GPC3: variants seen among roughly 807,000 people sequenced by gnomAD.
GPC3 encodes glypican 3.
Under a neutral mutation model 34.4 loss-of-function variants are expected in GPC3, and 3 were observed. The ratio of observed to expected loss-of-function variants is 0.09; its 90% CI spans 0.04 to 0.23. The LOEUF is 0.23. Among genes scored for constraint, GPC3 ranks in the 10% least tolerant of loss-of-function variants. GPC3 has a pLI of 1.00. For missense variants in GPC3, 351 were observed against 445.6 expected, an observed-to-expected ratio of 0.79 and a Z score of 1.91; for synonymous variants, 177 against 174.0, an observed-to-expected ratio of 1.02 and a Z score of -0.13.
intron 2 of GPC3, among the ~76,000 whole-genome samples, chrX:133,863,348 G>T (rs182133560): frequency 2.2e-3 from 241 of 111,908 alleles, no homozygotes; most frequent in Non-Finnish European, 3.5e-3. Flanking sequence ...AACTAGGAAT[G>T]AACATTTTGA....
At chrX:133,951,961 C>T (rs1357867977) in intron 2 of GPC3, among the ~76,000 whole-genome samples, 2 of 111,260 alleles carry the variant, frequency 1.8e-5, no homozygotes, top group African/African-American at 6.5e-5. Context: ...CAATGTCAAG[C>T]AGTCAGAAGT....
intron 6 of GPC3, among the ~76,000 whole-genome samples, chrX:133,601,577 T>TGCAA (rs1246932861): frequency 8.9e-6 from 1 of 112,206 alleles, no homozygotes; most frequent in Non-Finnish European, 1.9e-5. Context: ...TACTTAACCA[T>TGCAA]TTTTCTAATA....
At chrX:133,955,987 A>G (rs765237545) in intron 1 of GPC3, among the ~76,000 whole-genome samples, 5 of 111,750 alleles carry the variant, frequency 4.5e-5, no homozygotes, top group Non-Finnish European at 9.4e-5. Context: ...AGATTTTCTT[A>G]ATTTAGGAAT....
chrX:133,833,523 G>A (rs1569442117), intron 2 of GPC3, among the ~76,000 whole-genome samples: 2 of 111,396 alleles, frequency 1.8e-5, no homozygotes, highest in African/African-American at 3.3e-5. Context: ...TGCACTAAGT[G>A]GAAAAGATAC....
intron 6 of GPC3, among the ~76,000 whole-genome samples, 163 bp downstream of exon 6, chrX:133,661,566 CT>C (rs1224460942): frequency 1.6e-5 from 1 of 63,807 alleles, no homozygotes; most frequent in Non-Finnish European, 2.9e-5. Context: ...CTATATCTCT[CT>C]TTCTCTCTCT....
chrX:133,815,657 T>C (rs1406649053), intron 2 of GPC3, among the ~76,000 whole-genome samples: 2 of 112,087 alleles, frequency 1.8e-5, no homozygotes, highest in Non-Finnish European at 3.8e-5. Flanking sequence ...TGTTTGCAAA[T>C]ATAAGAGCAT....
intron 7 of GPC3, among the ~76,000 whole-genome samples, chrX:133,560,188 G>A (rs1313701230): frequency 1.8e-5 from 2 of 111,611 alleles, no homozygotes; most frequent in Non-Finnish European, 3.8e-5. Flanking sequence ...GTGGGGTGTA[G>A]CTGCTCTTCA....
intron 2 of GPC3, among the ~76,000 whole-genome samples, chrX:133,923,228 C>G (rs2076259437): frequency 9.0e-6 from 1 of 111,212 alleles, no homozygotes; most frequent in Admixed American, 9.6e-5. Flanking sequence ...AAAATCGGAC[C>G]CATTTAGTCA....
At chrX:133,586,603 C>G (rs886504453) in intron 7 of GPC3, among the ~76,000 whole-genome samples, 1 of 111,630 alleles carries the variant, frequency 9.0e-6, no homozygotes, top group Admixed American at 9.5e-5. Flanking sequence ...CCAAAGAAAA[C>G]AAAACATAAC....
chrX:133,939,812 C>T lies in GPC3; in HGVS notation c.337+13238G>A, dbSNP rs138612998. Among the ~76,000 whole-genome samples, 902 of 111,037 alleles carry T rather than the reference C, an allele frequency of 8.1e-3. 14 individuals carry two copies. The highest frequency in any genetic ancestry group is 0.028 in the African/African-American group (863 of 30,573). On this transcript the variant is annotated intron_variant, in intron 2 of 7. Coordinates refer to ENST00000370818, the MANE Select transcript of GPC3 (RefSeq NM_004484.4). ...GTTTGGGTTTTTCTTTTTTTAATTT[C>T]AATAATGAAAGAGCCCAAGGGTTTA... is the stretch of plus-strand genomic sequence containing the variant.
intron 2 of GPC3, among the ~76,000 whole-genome samples, chrX:133,886,247 A>C (rs989454584): frequency 9.2e-6 from 1 of 108,715 alleles, no homozygotes; most frequent in Non-Finnish European, 1.9e-5. Context: ...AGTGGCTCAC[A>C]CTTGTAATCC....
chrX:133,718,133 A>G (rs1317007700), intron 3 of GPC3, among the ~76,000 whole-genome samples: 1 of 112,141 alleles, frequency 8.9e-6, no homozygotes, highest in African/African-American at 3.2e-5. Context: ...AGTTTACTAT[A>G]TAGGTTAATA....
intron 2 of GPC3, among the ~76,000 whole-genome samples, chrX:133,817,172 G>A (rs2075696082): frequency 9.0e-6 from 1 of 111,272 alleles, no homozygotes; most frequent in Non-Finnish European, 1.9e-5. Flanking sequence ...CATATATCTA[G>A]TACATGACCA....
At chrX:133,811,289 G>C (rs1414111919) in intron 2 of GPC3, among the ~76,000 whole-genome samples, 1 of 111,633 alleles carries the variant, frequency 9.0e-6, no homozygotes. Flanking sequence ...AAAAGGAGGA[G>C]GGAAGGTGGG....
At chrX:133,639,670 G>T (rs1275457601) in intron 6 of GPC3, among the ~76,000 whole-genome samples, 2 of 110,355 alleles carry the variant, frequency 1.8e-5, no homozygotes, top group East Asian at 5.7e-4. Context: ...AACTTTGTAG[G>T]CCTGGCAGTT....
At position 133,985,411 on chromosome X, in the gene GPC3, C is replaced by A. The variant is rs1057522079; in HGVS notation, c.39G>T (p.Ala13=). Reference sequence around the variant, plus strand: ...CCGGGAAGTCCAAGCTGAGCAGCATCGCCACCACCAAGCACGCGGTGCGCA... The same window carrying A: ...CCGGGAAGTCCAAGCTGAGCAGCATAGCCACCACCAAGCACGCGGTGCGCA... ...GTVRTACLVV[A]MLLSLDFPGQ... The change falls in exon 1 of 8, where the codon GCG becomes GCT. Residue 13 remains alanine, a synonymous_variant. Coordinates refer to ENST00000370818, the MANE Select transcript of GPC3 (RefSeq NM_004484.4). The A allele has an allele frequency of 2.5e-6, 3 of 1,185,400 alleles. No individual in the cohort carries two copies. Among genetic ancestry groups the A allele is most frequent in the East Asian group, 3.1e-5 (1 of 32,393 alleles).
chrX:133,892,385 C>T (rs1247962300), intron 2 of GPC3, among the ~76,000 whole-genome samples: 6 of 110,822 alleles, frequency 5.4e-5, no homozygotes, highest in East Asian at 2.8e-4. Flanking sequence ...ATGCTGCTCC[C>T]GTGGGCACCT....
intron 2 of GPC3, among the ~76,000 whole-genome samples, chrX:133,912,272 C>T (rs1315186544): frequency 3.6e-5 from 4 of 112,290 alleles, no homozygotes; most frequent in Non-Finnish European, 1.9e-5. Flanking sequence ...GAACCTAGGG[C>T]AGCCCCGCCT....
chrX:133,596,441 T>C lies in GPC3; in HGVS notation c.1572A>G (p.Ala524=). The C allele has an allele frequency of 8.3e-7, 1 of 1,207,194 alleles. No homozygotes were observed. Among genetic ancestry groups the C allele is most frequent in the Non-Finnish European group, 1.1e-6 (1 of 891,166 alleles). ...IKVKNQLRFL[A]ELAYDLDVDD... is the part of the protein sequence containing the mutation. ...TTTGGGTCAGCACTAATCAGTTACCTGCAAGGAAGCGGAGCTGATTCTTCA... is the reference window on the plus strand; with the variant it reads ...TTTGGGTCAGCACTAATCAGTTACCCGCAAGGAAGCGGAGCTGATTCTTCA... The change falls in exon 7 of 8, where the codon GCA becomes GCG. Residue 524 remains alanine, a splice_region_variant and synonymous_variant. Transcript: ENST00000370818.
Sources: gnomAD v4.1 joint callset for allele counts (sites outside exome capture counted in the v4.1 genomes callset) on GRCh38, gnomAD v4.1.1 for gene constraint, MANE v1.5 for transcripts, NCBI Gene and HGNC (gene_info 2026-07-23, HGNC 2026-07-21) for gene names.